IQCM: variants seen among roughly 807,000 people sequenced by gnomAD.
IQCM encodes IQ domain-containing protein M.
A neutral mutation model predicts 57.6 loss-of-function variants in IQCM; 45 were observed. The ratio of observed to expected loss-of-function variants is 0.78; its 90% CI spans 0.62 to 1.00. IQCM has a LOEUF of 1.00. Ranked by LOEUF, IQCM falls within the 50% of genes least tolerant of loss-of-function variation. IQCM has a pLI of 0.00. For missense variants in IQCM, 468 were observed against 511.6 expected (o/e 0.91, Z 0.82); for synonymous variants, 148 against 158.9 (o/e 0.93, Z 0.51).
At chr4:149,730,864 C>A (rs1260357187) in intron 5 of IQCM, among the ~76,000 whole-genome samples, 1 of 152,156 alleles carries the variant, frequency 6.6e-6, no homozygotes, top group Non-Finnish European at 1.5e-5. Flanking sequence ...AGCAGCATAT[C>A]TTTTGTCTCT....
chr4:149,540,161 A>G (rs1230405193), intron 12 of IQCM, among the ~76,000 whole-genome samples: 2 of 131,910 alleles, frequency 1.5e-5, no homozygotes, highest in African/African-American at 4.9e-5. Flanking sequence ...AGGCCATGTG[A>G]GGACACAGCA....
intron 12 of IQCM, among the ~76,000 whole-genome samples, chr4:149,451,586 A>C (rs1304117828): frequency 6.6e-6 from 1 of 151,814 alleles, no homozygotes; most frequent in Non-Finnish European, 1.5e-5. Context: ...TTAAGACTTT[A>C]GGAAAAAAAG....
intron 13 of IQCM, among the ~76,000 whole-genome samples, chr4:149,428,587 T>G (rs1169351042): frequency 1.3e-5 from 2 of 151,846 alleles, no homozygotes; most frequent in African/African-American, 4.8e-5. Flanking sequence ...GAAAGTCTTA[T>G]GTTACAAAGT....
chr4:149,734,967 T>C (rs991493245), intron 4 of IQCM, among the ~76,000 whole-genome samples: 1 of 152,168 alleles, frequency 6.6e-6, no homozygotes, highest in Non-Finnish European at 1.5e-5. Flanking sequence ...AAAAGATACA[T>C]GGAATATAAT....
intron 2 of IQCM, among the ~76,000 whole-genome samples, chr4:149,806,319 A>G (rs1774076858): frequency 1.3e-5 from 2 of 151,910 alleles, no homozygotes; most frequent in African/African-American, 2.4e-5. Flanking sequence ...ATCTTATTTT[A>G]CGTGTCAAGA....
At chr4:149,417,515 T>C (rs1316488321) in intron 13 of IQCM, among the ~76,000 whole-genome samples, 1 of 152,144 alleles carries the variant, frequency 6.6e-6, no homozygotes, top group Non-Finnish European at 1.5e-5. Context: ...CTTATTCTGT[T>C]AGCTTAAGTC....
intron 7 of IQCM, among the ~76,000 whole-genome samples, chr4:149,629,955 T>C (rs1197351392): frequency 8.2e-6 from 1 of 121,430 alleles, no homozygotes; most frequent in East Asian, 2.5e-4. Context: ...ATGCCCTCAA[T>C]GGCACCTTTT....
intron 12 of IQCM, among the ~76,000 whole-genome samples, chr4:149,496,893 T>C (rs1322479079): frequency 2.0e-5 from 3 of 152,170 alleles, no homozygotes; most frequent in African/African-American, 7.2e-5. Context: ...TCCTTTGGTG[T>C]CTGAAATATG....
At chr4:149,767,700 A>G (rs562514617) in intron 2 of IQCM, among the ~76,000 whole-genome samples, 2 of 152,144 alleles carry the variant, frequency 1.3e-5, no homozygotes, top group Admixed American at 1.3e-4. Context: ...CAGTATGGTA[A>G]CTGCACTTTT....
In IQCM at chr4:149,616,958, CTT is replaced by C. The variant is rs774160343; in HGVS notation, c.681+4169_681+4170del. Among the ~76,000 whole-genome samples the C allele has an allele frequency of 4.9e-3, 691 of 140,690 alleles. 8 individuals are homozygous for C. The highest frequency in any genetic ancestry group is 0.014 in the African/African-American group (554 of 38,736). The allele number at this position is 140,690 out of a possible 152,430, so 92.3% of individuals were successfully genotyped here. A position where few individuals can be genotyped will look rare whatever the true frequency, so the allele number is the denominator to read the frequency against. ...CATGTTCTGCACATATATCCTGGAACTTTTTTTTTTTTTTTTGAGATGGGGTT... is the reference window on the plus strand; with the variant it reads ...CATGTTCTGCACATATATCCTGGAACTTTTTTTTTTTTTTGAGATGGGGTT... On this transcript the variant is annotated intron_variant, in intron 8 of 13. Coordinates refer to ENST00000636793, the MANE Select transcript of IQCM (RefSeq NM_001363507.2).
intron 2 of IQCM, among the ~76,000 whole-genome samples, chr4:149,790,640 G>A (rs1772512617): frequency 6.6e-6 from 1 of 152,148 alleles, no homozygotes; most frequent in Non-Finnish European, 1.5e-5. Context: ...AAACTGTAGA[G>A]TGACACTCAA....
intron 5 of IQCM, among the ~76,000 whole-genome samples, chr4:149,716,636 C>A (rs1432404860): frequency 6.6e-6 from 1 of 152,182 alleles, no homozygotes; most frequent in Non-Finnish European, 1.5e-5. Context: ...ATCTTTGCAG[C>A]AGCCGCTCCA....
chr4:149,402,366 A>T (rs1732676807), intron 13 of IQCM, among the ~76,000 whole-genome samples: 1 of 127,936 alleles, frequency 7.8e-6, no homozygotes, highest in African/African-American at 2.7e-5. Context: ...GTTTATGTTC[A>T]TGTGAGTTTA....
At chr4:149,384,378 C>G (rs767488315) in intron 13 of IQCM, among the ~76,000 whole-genome samples, 1 of 152,252 alleles carries the variant, frequency 6.6e-6, no homozygotes, top group Admixed American at 6.5e-5. Flanking sequence ...ATAGGGCATA[C>G]ATTTCCTTTT....
intron 12 of IQCM, among the ~76,000 whole-genome samples, chr4:149,449,529 C>T (rs1420969660): frequency 6.7e-6 from 1 of 150,230 alleles, no homozygotes; most frequent in African/African-American, 2.4e-5. Flanking sequence ...GGATACAAAG[C>T]TAACACATAA....
intron 12 of IQCM, among the ~76,000 whole-genome samples, chr4:149,504,479 C>T (rs1428717994): frequency 6.6e-6 from 1 of 151,844 alleles, no homozygotes; most frequent in Admixed American, 6.6e-5. Flanking sequence ...GCCCAGCCCA[C>T]ACCCACCCCC....
chr4:149,519,418 G>A (rs113622330), intron 12 of IQCM, among the ~76,000 whole-genome samples: 32,475 of 150,448 alleles, frequency 0.22, 4,351 homozygotes, highest in Non-Finnish European at 0.29. Flanking sequence ...TCAGGAAATC[G>A]AGACCATCCT....
chr4:149,550,559 C>T (rs888171590), intron 11 of IQCM, among the ~76,000 whole-genome samples: 2 of 152,166 alleles, frequency 1.3e-5, no homozygotes, highest in Non-Finnish European at 2.9e-5. Flanking sequence ...GATAACAGTG[C>T]CCTTAACCTG....
intron 2 of IQCM, among the ~76,000 whole-genome samples, chr4:149,791,347 T>G (rs1772591590): frequency 6.6e-6 from 1 of 152,220 alleles, no homozygotes; most frequent in Non-Finnish European, 1.5e-5. Context: ...TATTTTGATA[T>G]AAGCATATGT....
Sources: allele counts gnomAD v4.1 joint callset (sites outside exome capture counted in the v4.1 genomes callset), GRCh38; gene constraint gnomAD v4.1.1; transcripts MANE v1.5; gene names NCBI Gene and HGNC (gene_info 2026-07-23, HGNC 2026-07-21).